Variants in CHRM5 observed in about 807,000 individuals in gnomAD.
CHRM5 encodes the protein cholinergic receptor muscarinic 5.
A neutral mutation model predicts 39.0 loss-of-function variants in CHRM5; 18 were observed. The ratio of observed to expected loss-of-function variants is 0.46; its 90% CI spans 0.32 to 0.68. The LOEUF is 0.68. CHRM5 is among the 30% of genes least tolerant of loss of function. CHRM5 has a pLI of 0.04. For missense variants in CHRM5, 515 were observed against 651.1 expected (o/e 0.79, Z 2.28); for synonymous variants, 241 against 246.3 (o/e 0.98, Z 0.20).
intron 1 of CHRM5, among the ~76,000 whole-genome samples, chr15:34,017,739 C>T (rs1039306429): frequency 6.6e-6 from 1 of 152,076 alleles, no homozygotes; most frequent in African/African-American, 2.4e-5. Context: ...CTCAGCCTCC[C>T]AAAGTGCTGG....
chr15:34,062,409 G>T (rs548774546), intron 2 of CHRM5, among the ~76,000 whole-genome samples: 154 of 152,116 alleles, frequency 1.0e-3, no homozygotes, highest in African/African-American at 3.5e-3. Context: ...CAAAAAAATA[G>T]CTGGGCGTGG....
At chr15:33,980,130 T>C (rs1896069764) in intron 1 of CHRM5, among the ~76,000 whole-genome samples, 1 of 152,164 alleles carries the variant, frequency 6.6e-6, no homozygotes, top group African/African-American at 2.4e-5. Context: ...TCAGAGCAAC[T>C]AGGCACAGAA....
At chr15:33,971,507 C>T (rs1017718738) in intron 1 of CHRM5, among the ~76,000 whole-genome samples, 4 of 151,880 alleles carry the variant, frequency 2.6e-5, no homozygotes, top group African/African-American at 7.2e-5. Flanking sequence ...ACATCCATTT[C>T]GTGTATGTTG....
intron 1 of CHRM5, among the ~76,000 whole-genome samples, chr15:34,017,341 G>A (rs1278255377): frequency 6.6e-6 from 1 of 152,022 alleles, no homozygotes; most frequent in Non-Finnish European, 1.5e-5. Flanking sequence ...AAGTTAAGCA[G>A]ATTCCCCAAA....
chr15:34,057,594 G>C (rs1467080250), intron 2 of CHRM5, among the ~76,000 whole-genome samples: 1 of 152,124 alleles, frequency 6.6e-6, no homozygotes, highest in East Asian at 1.9e-4. Context: ...CCACCTCAAA[G>C]TTTAAAATCT....
chr15:34,017,137 A>C (rs1897954855), intron 1 of CHRM5, among the ~76,000 whole-genome samples: 1 of 152,056 alleles, frequency 6.6e-6, no homozygotes, highest in Non-Finnish European at 1.5e-5. Flanking sequence ...CAAGGGGGAA[A>C]AAAAAAGGTA....
At chr15:34,033,962 A>G (rs1260400605) in intron 1 of CHRM5, among the ~76,000 whole-genome samples, 2 of 151,986 alleles carry the variant, frequency 1.3e-5, no homozygotes, top group African/African-American at 4.8e-5. Context: ...TAACTTTTGT[A>G]TCTTTAGTAG....
intron 2 of CHRM5, 141 bp from the exon 3 acceptor site, chr15:34,062,502 C>A: frequency 2.1e-6 from 1 of 484,262 alleles, no homozygotes; most frequent in Non-Finnish European, 3.5e-6. Context: ...TTGTAGAGAG[C>A]TGAGATCGCA....
intron 1 of CHRM5, among the ~76,000 whole-genome samples, chr15:34,023,004 G>A (rs1898275741): frequency 1.3e-5 from 2 of 152,126 alleles, no homozygotes; most frequent in South Asian, 2.1e-4. Flanking sequence ...TGGCCAACAT[G>A]GTGAAACCCC....
intron 1 of CHRM5, among the ~76,000 whole-genome samples, chr15:34,010,015 A>G (rs1048488322): frequency 9.9e-5 from 15 of 152,134 alleles, no homozygotes; most frequent in African/African-American, 3.4e-4. Flanking sequence ...ATATGCTCCT[A>G]GGAACACAGC....
At chr15:34,020,277 C>G (rs1242032527) in intron 1 of CHRM5, among the ~76,000 whole-genome samples, 2 of 151,288 alleles carry the variant, frequency 1.3e-5, no homozygotes, top group Non-Finnish European at 2.9e-5. Context: ...CACCACTGCA[C>G]TCTAGCCTGG....
intron 1 of CHRM5, chr15:34,038,687 C>G (rs1597379287): frequency 9.3e-7 from 1 of 1,075,528 alleles, no homozygotes; most frequent in Non-Finnish European, 1.1e-6. Context: ...TGGCGCGCGC[C>G]TGGCACGCTC....
intron 1 of CHRM5, chr15:34,003,195 G>T: frequency 6.2e-7 from 1 of 1,612,982 alleles, no homozygotes; most frequent in South Asian, 1.1e-5. Context: ...TCTCTGCATC[G>T]CTGTCATCTT....
intron 1 of CHRM5, among the ~76,000 whole-genome samples, chr15:33,999,945 C>T (rs536206402): frequency 3.3e-5 from 5 of 152,342 alleles, no homozygotes; most frequent in East Asian, 3.9e-4. Context: ...TACAATACTA[C>T]GCGATCTGGC....
chr15:33,999,191 T>C (rs557135773), intron 1 of CHRM5, among the ~76,000 whole-genome samples: 4 of 152,228 alleles, frequency 2.6e-5, no homozygotes, highest in Non-Finnish European at 4.4e-5. Flanking sequence ...AGAATGTTTA[T>C]TCCTCTGACT....
intron 1 of CHRM5, among the ~76,000 whole-genome samples, chr15:34,006,277 A>C (rs1897336410): frequency 6.6e-6 from 1 of 151,570 alleles, no homozygotes; most frequent in Non-Finnish European, 1.5e-5. Flanking sequence ...CGCCATTGCA[A>C]TCCAGCCCGG....
At chr15:33,992,352 T>C (rs771264286) in intron 1 of CHRM5, among the ~76,000 whole-genome samples, 4 of 151,250 alleles carry the variant, frequency 2.6e-5, no homozygotes, top group Non-Finnish European at 5.9e-5. Flanking sequence ...ATTGCGCCAC[T>C]GCACTCCAGC....
At chr15:34,041,399 CA>C (rs1237547172) in intron 1 of CHRM5, among the ~76,000 whole-genome samples, 1 of 152,138 alleles carries the variant, frequency 6.6e-6, no homozygotes. Flanking sequence ...CTGATTTGGG[CA>C]AATGTCTGGT....
intron 2 of CHRM5, among the ~76,000 whole-genome samples, chr15:34,061,015 C>CAA (rs1381204975): frequency 0.02 from 1,556 of 78,258 alleles, 38 homozygotes; most frequent in African/African-American, 0.062. Context: ...GACTCCGTCT[C>CAA]AAAAAAAAAA....
Sources: gnomAD v4.1 joint callset for allele counts (sites outside exome capture counted in the v4.1 genomes callset) on GRCh38, gnomAD v4.1.1 for gene constraint, MANE v1.5 for transcripts, NCBI Gene and HGNC (gene_info 2026-07-23, HGNC 2026-07-21) for gene names.